The following ARHGEF38 variants were observed in gnomAD, a reference collection of about 807,000 sequenced individuals.
ARHGEF38 encodes Rho guanine nucleotide exchange factor 38, also known as Rho guanine nucleotide exchange factor (GEF) 38.
Under a neutral mutation model 79.9 loss-of-function variants are expected in ARHGEF38, and 79 were observed. The observed-to-expected ratio is 0.99, with a 90% confidence interval of 0.82 to 1.19. The LOEUF is 1.19. Ranked by LOEUF, ARHGEF38 falls within the 50% of genes most tolerant of loss-of-function variation. The probability of loss-of-function intolerance (pLI) is 0.00; values close to 1 mark genes in which losing one functional copy is unlikely to be tolerated. For missense variants in ARHGEF38, 962 were observed against 907.2 expected (o/e 1.06, Z -0.78); for synonymous variants, 366 against 328.3 (o/e 1.11, Z -1.24).
At chr4:105,556,013 ATAG>A (rs1478855133) in intron 1 of ARHGEF38, among the ~76,000 whole-genome samples, 1 of 152,194 alleles carries the variant, frequency 6.6e-6, no homozygotes, top group African/African-American at 2.4e-5. Flanking sequence ...TCACATCAAC[ATAG>A]TCATTCCTAC....
At chr4:105,645,871 A>G (rs1729818228) in intron 6 of ARHGEF38, among the ~76,000 whole-genome samples, 1 of 152,242 alleles carries the variant, frequency 6.6e-6, no homozygotes, top group Non-Finnish European at 1.5e-5. Context: ...TTCTCTACTG[A>G]TGTGAGCAAG....
Position 105,677,848 on chromosome 4 carries a change from A to C in ARHGEF38, c.2245A>C (p.Ser749Arg), listed in dbSNP as rs1416746557. 2.7e-5 allele frequency: 41 copies of C among 1,535,530 alleles called. No homozygotes were observed. The highest frequency in any genetic ancestry group is 3.5e-5 in the Non-Finnish European group (40 of 1,146,506). ...TCATATACTCAGGTTTTGTGACCTAAGTGGCAATAAAGAGTGGTGGTTAGC... is the reference window on the plus strand; with the variant it reads ...TCATATACTCAGGTTTTGTGACCTACGTGGCAATAAAGAGTGGTGGTTAGC... Reference protein sequence around the residue: ...RVHILRFCDLSGNKEWWLAEA... With the variant: ...RVHILRFCDLRGNKEWWLAEA... Residue 749 changes from serine (S) to arginine (R), a missense_variant, in exon 14 of 14, where the codon AGT becomes CGT. By Grantham distance (110) the Ser-to-Arg change is moderately radical. Transcript: ENST00000420470.
intron 1 of ARHGEF38, 99 bp from the exon 2 acceptor site, chr4:105,589,148 CT>C: frequency 1.9e-5 from 18 of 931,306 alleles, no homozygotes; most frequent in East Asian, 2.6e-5. Flanking sequence ...TACCTTCAGC[CT>C]TTTTCCTTGT....
At chr4:105,661,185 A>AT (rs1730547894) in intron 10 of ARHGEF38, among the ~76,000 whole-genome samples, 1 of 152,188 alleles carries the variant, frequency 6.6e-6, no homozygotes, top group Non-Finnish European at 1.5e-5. Flanking sequence ...GCCAAATAAC[A>AT]TTCCATTGTA....
At position 105,659,337 on chromosome 4, in the gene ARHGEF38, C is replaced by T. The variant is rs1385940026; in HGVS notation, c.1517C>T (p.Ala506Val). 1.3e-6 allele frequency: 2 copies of T among 1,535,186 alleles called. No individual in the cohort carries two copies. The highest frequency in any genetic ancestry group is 2.0e-5 in the Admixed American group (1 of 50,976). The change falls in exon 10 of 14, where the codon GCA (alanine) becomes GTA (valine). Residue 506 changes from alanine to valine, a missense_variant. Transcript: ENST00000420470. ...ITLLRDLMLVAQQAYSTLVPM... is the reference protein window; with the variant it reads ...ITLLRDLMLVVQQAYSTLVPM... ...CTCCTTAGGGACCTGATGCTCGTGG[C>T]ACAGCAGGCTTACTCCACACTTGTG...
intron 7 of ARHGEF38, among the ~76,000 whole-genome samples, chr4:105,650,205 C>A (rs563919736): frequency 1.3e-5 from 2 of 152,164 alleles, no homozygotes; most frequent in Non-Finnish European, 2.9e-5. Flanking sequence ...GTGTATTAAT[C>A]GTATTTTTTA....
chr4:105,589,755 G>A (rs977869913), intron 2 of ARHGEF38, among the ~76,000 whole-genome samples: 44 of 152,088 alleles, frequency 2.9e-4, no homozygotes, highest in African/African-American at 8.2e-4. Context: ...GGACAAGGCC[G>A]GGTGCTGTGG....
intron 3 of ARHGEF38, among the ~76,000 whole-genome samples, chr4:105,614,193 C>T (rs532005120): frequency 6.6e-6 from 1 of 152,200 alleles, no homozygotes; most frequent in East Asian, 1.9e-4. Flanking sequence ...AGGCAGTTTG[C>T]ACTTCGAGAC....
intron 2 of ARHGEF38, among the ~76,000 whole-genome samples, chr4:105,610,635 A>T (rs1467343016): frequency 2.0e-5 from 3 of 152,080 alleles, no homozygotes; most frequent in Non-Finnish European, 2.9e-5. Context: ...CAATGATTGG[A>T]TATGAATTCA....
chr4:105,636,953 A>G (rs2110526512), intron 5 of ARHGEF38, among the ~76,000 whole-genome samples: 1 of 152,280 alleles, frequency 6.6e-6, no homozygotes, highest in East Asian at 1.9e-4. Flanking sequence ...TATAGAAATT[A>G]TTTTAGAAAA....
At chr4:105,571,452 A>C (rs1447914301) in intron 1 of ARHGEF38, among the ~76,000 whole-genome samples, 1 of 150,788 alleles carries the variant, frequency 6.6e-6, no homozygotes, top group African/African-American at 2.4e-5. Context: ...CCTCCGGAGT[A>C]GCTGGGATTA....
chr4:105,648,826 C>G (rs1729966864), intron 7 of ARHGEF38, 144 bp downstream of exon 7: 2 of 619,986 alleles, frequency 3.2e-6, no homozygotes, highest in East Asian at 3.0e-5. Context: ...CTCCCTCTCT[C>G]TCTCTCTCTC....
intron 6 of ARHGEF38, among the ~76,000 whole-genome samples, chr4:105,648,015 A>G (rs1158628039): frequency 6.7e-6 from 1 of 149,730 alleles, no homozygotes; most frequent in African/African-American, 2.5e-5. Context: ...TCAGCCTCCC[A>G]AGTACCTGGG....
chr4:105,562,861 G>A (rs1273669977), intron 1 of ARHGEF38, among the ~76,000 whole-genome samples: 2 of 152,134 alleles, frequency 1.3e-5, no homozygotes, highest in Non-Finnish European at 2.9e-5. Context: ...AAAAGGGAAG[G>A]ACATAAGCCT....
At chr4:105,642,400 C>T (rs1040384659) in intron 5 of ARHGEF38, among the ~76,000 whole-genome samples, 1 of 151,996 alleles carries the variant, frequency 6.6e-6, no homozygotes, top group Non-Finnish European at 1.5e-5. Flanking sequence ...TGTATAAATA[C>T]TATTATTGTC....
chr4:105,642,300 A>G (rs1162931782), intron 5 of ARHGEF38, among the ~76,000 whole-genome samples: 5 of 152,182 alleles, frequency 3.3e-5, no homozygotes, highest in Non-Finnish European at 5.9e-5. Context: ...GTATATCTCC[A>G]GACACAAAAG....
rs143717958 is a variant in ARHGEF38 at position 105,558,832 on chromosome 4, A to G, written c.196+5871A>G. 5.8e-4 allele frequency among the ~76,000 whole-genome samples: 87 copies of G among 149,162 alleles called. 1 individual carries two copies. The highest frequency in any genetic ancestry group is 3.4e-3 in the Middle Eastern group (1 of 292). Reference sequence around the variant, plus strand: ...CTAGTTGTGCTTTTTTTTTTTGTTTATAAAAATTATGGGTTTATCAAAATG... The same window carrying G: ...CTAGTTGTGCTTTTTTTTTTTGTTTGTAAAAATTATGGGTTTATCAAAATG... On this transcript the variant is annotated intron_variant, in intron 1 of 13. Coordinates refer to ENST00000420470, the MANE Select transcript of ARHGEF38 (RefSeq NM_001242729.2).
chr4:105,669,223 A>G (rs1730876215), intron 13 of ARHGEF38, among the ~76,000 whole-genome samples: 3 of 152,184 alleles, frequency 2.0e-5, no homozygotes, highest in African/African-American at 4.8e-5. Context: ...ATGTAACAAT[A>G]TATCTTAGAC....
intron 1 of ARHGEF38, among the ~76,000 whole-genome samples, chr4:105,583,916 C>T (rs748822617): frequency 6.6e-6 from 1 of 152,054 alleles, no homozygotes. Context: ...ATTGATGTCT[C>T]TTTCTTTGGA....
Sources: allele counts gnomAD v4.1 joint callset (sites outside exome capture counted in the v4.1 genomes callset), GRCh38; gene constraint gnomAD v4.1.1; transcripts MANE v1.5; gene names NCBI Gene and HGNC (gene_info 2026-07-23, HGNC 2026-07-21).